Variants in ZNF385D observed in about 807,000 individuals in gnomAD.
ZNF385D encodes the protein zinc finger protein 385D.
Under a neutral mutation model 35.8 loss-of-function variants are expected in ZNF385D, and 15 were observed. The observed-to-expected ratio is 0.42, with a 90% CI of 0.28 to 0.64. The LOEUF is 0.64. Among genes scored for constraint, ZNF385D ranks in the 30% least tolerant of loss-of-function variants. The pLI is 0.23. For synonymous variants in ZNF385D, 212 were observed against 186.8 expected, an observed-to-expected ratio of 1.13 and a Z score of -1.10; for missense variants, 474 against 494.6, an observed-to-expected ratio of 0.96 and a Z score of 0.39.
At chr3:22,290,910 T>C (rs1414963838) in intron 2 of ZNF385D, among the ~76,000 whole-genome samples, 1 of 152,140 alleles carries the variant, frequency 6.6e-6, no homozygotes, top group Non-Finnish European at 1.5e-5. Context: ...TTATTTCCAC[T>C]AATCAATATG....
At chr3:22,079,354 A>G (rs189140169) in intron 3 of ZNF385D, among the ~76,000 whole-genome samples, 236 of 152,152 alleles carry the variant, frequency 1.6e-3, no homozygotes, top group Non-Finnish European at 3.0e-3. Context: ...CAATAAATAA[A>G]TTACATGATT....
rs2061876314 is a variant in ZNF385D at position 21,529,668 on chromosome 3, C to T, written c.277-18645G>A. On this transcript the variant is annotated intron_variant, in intron 3 of 7. Coordinates refer to ENST00000281523, the MANE Select transcript of ZNF385D (RefSeq NM_024697.3). Reference sequence around the variant, plus strand: ...TAAAGGTAAAGATAGCATAACTCTTCATTAAAATCTTAACACAACCTAGAA... The same window carrying T: ...TAAAGGTAAAGATAGCATAACTCTTTATTAAAATCTTAACACAACCTAGAA... 4.6e-5 allele frequency among the ~76,000 whole-genome samples: 7 copies of T among 152,222 alleles called. No individual in the cohort carries two copies. The South Asian group carries it at 1.4e-3, about 32-fold the overall frequency.
chr3:21,977,880 C>T (rs1345933969), intron 3 of ZNF385D, among the ~76,000 whole-genome samples: 3 of 151,996 alleles, frequency 2.0e-5, no homozygotes, highest in African/African-American at 4.8e-5. Flanking sequence ...TTCAATAGCT[C>T]TGTACATCTT....
intron 3 of ZNF385D, among the ~76,000 whole-genome samples, chr3:22,030,474 A>G (rs259443): frequency 0.43 from 64,383 of 149,070 alleles, 14,701 homozygotes; most frequent in East Asian, 0.74. Context: ...AGGGAGAGAG[A>G]GAGACACAGA....
Position 22,215,763 on chromosome 3 carries a change from C to G in ZNF385D, c.107-46728G>C, listed in dbSNP as rs76455497. 4.0e-3 allele frequency among the ~76,000 whole-genome samples: 611 copies of G among 152,072 alleles called. 7 individuals are homozygous for G. Among genetic ancestry groups the G allele is most frequent in the African/African-American group, 0.014 (562 of 41,506 alleles). ...GACCCACACCCTATTTGTACACACCCTCCCCTTTTGAAAATGACTAATAAA... is the reference window on the plus strand; with the variant it reads ...GACCCACACCCTATTTGTACACACCGTCCCCTTTTGAAAATGACTAATAAA... On this transcript the variant is annotated intron_variant, in intron 2 of 5. Transcript: ENST00000494108.
chr3:21,871,832 C>A (rs1355074662), intron 3 of ZNF385D, among the ~76,000 whole-genome samples: 3 of 151,840 alleles, frequency 2.0e-5, no homozygotes, highest in African/African-American at 7.3e-5. Context: ...ATGATGAAAC[C>A]CCGTCTCTAC....
intron 3 of ZNF385D, among the ~76,000 whole-genome samples, chr3:21,557,122 T>G (rs1369452436): frequency 6.6e-6 from 1 of 152,122 alleles, no homozygotes; most frequent in Non-Finnish European, 1.5e-5. Flanking sequence ...AACAGACAAG[T>G]TGACTTCCCC....
intron 2 of ZNF385D, among the ~76,000 whole-genome samples, chr3:22,190,122 C>T (rs533310156): frequency 2.0e-5 from 3 of 152,130 alleles, no homozygotes; most frequent in Non-Finnish European, 2.9e-5. Flanking sequence ...GTTGCCATCA[C>T]AGTTTGAGAT....
At chr3:22,304,534 G>A (rs550687478) in intron 2 of ZNF385D, among the ~76,000 whole-genome samples, 1 of 152,216 alleles carries the variant, frequency 6.6e-6, no homozygotes, top group South Asian at 2.1e-4. Flanking sequence ...GCCCTTGTTG[G>A]AAATAATTAT....
intron 1 of ZNF385D, among the ~76,000 whole-genome samples, chr3:21,738,493 T>C (rs1328781029): frequency 1.3e-5 from 2 of 152,222 alleles, no homozygotes; most frequent in Non-Finnish European, 2.9e-5. Context: ...ATCTTAGCTA[T>C]TATTAGTAAG....
chr3:22,139,568 G>C (rs1559400519), intron 3 of ZNF385D, among the ~76,000 whole-genome samples: 1 of 143,588 alleles, frequency 7.0e-6, no homozygotes, highest in Non-Finnish European at 1.5e-5. Context: ...TGAACAATGA[G>C]AACACATGGA....
At chr3:22,154,659 C>T (rs568866770) in intron 3 of ZNF385D, among the ~76,000 whole-genome samples, 6 of 152,276 alleles carry the variant, frequency 3.9e-5, no homozygotes, top group Admixed American at 3.3e-4. Flanking sequence ...CCTTGCCTCT[C>T]TGGGGCTTCA....
At chr3:22,321,473 C>T (rs1195705552) in intron 2 of ZNF385D, among the ~76,000 whole-genome samples, 1 of 152,004 alleles carries the variant, frequency 6.6e-6, no homozygotes, top group East Asian at 1.9e-4. Flanking sequence ...TCAAGCGATT[C>T]TCCTGTCTCA....
In ZNF385D at chr3:22,115,666, T is replaced by C. The variant is rs192657780; in HGVS notation, c.325+53151A>G. Among the ~76,000 whole-genome samples the C allele has an allele frequency of 2.8e-3, 431 of 152,184 alleles. 3 individuals are homozygous for C. Among genetic ancestry groups the C allele is most frequent in the Non-Finnish European group, 5.4e-3 (365 of 67,988 alleles). Reference sequence around the variant, plus strand: ...CTCATAAGATTCCAGTAAACCATATTGAGAAGTTTAGTAGCTTGGTTAGCT... The same window carrying C: ...CTCATAAGATTCCAGTAAACCATATCGAGAAGTTTAGTAGCTTGGTTAGCT... On this transcript the variant is annotated intron_variant, in intron 3 of 5. Coordinates refer to the ZNF385D transcript ENST00000494108.
rs368600738 is a variant in ZNF385D, at chr3:22,242,637, C to G, written c.107-73602G>C. Among the ~76,000 whole-genome samples, 4 of 151,162 alleles carry G rather than the reference C, an allele frequency of 2.6e-5. No individual in the cohort carries two copies. In the East Asian group the frequency reaches 7.8e-4, roughly 29 times the overall value. ...AAAGATTGTTGTAGACTGAGAGAGA[C>G]TAATGTGACATCGCAACTAAACACA... On this transcript the variant is annotated intron_variant, in intron 2 of 5. Coordinates refer to the ZNF385D transcript ENST00000494108.
rs537114584 is a variant in ZNF385D at position 22,026,556 on chromosome 3, T to C, written c.325+142261A>G. ...ATTAATGGAGTTTTAGCTCAGGTCC[T>C]ACTTACAGCAGATCCAGTGGGTCCT... On this transcript the variant is annotated intron_variant, in intron 3 of 5. Transcript: ENST00000494108. Among the ~76,000 whole-genome samples, 37 of 152,314 alleles carry C rather than the reference T, an allele frequency of 2.4e-4. No individual in the cohort carries two copies. The South Asian group carries it at 6.0e-3, about 25-fold the overall frequency.
At chr3:22,187,513 T>C (rs906291876) in intron 2 of ZNF385D, among the ~76,000 whole-genome samples, 2 of 152,032 alleles carry the variant, frequency 1.3e-5, no homozygotes, top group Non-Finnish European at 1.5e-5. Context: ...CAAAGACATA[T>C]ATGTACTTTT....
chr3:21,694,083 G>A (rs1353115303), intron 1 of ZNF385D, among the ~76,000 whole-genome samples: 3 of 76,152 alleles, frequency 3.9e-5, no homozygotes, highest in East Asian at 3.5e-4. Flanking sequence ...TCGCTCTGTC[G>A]CCCAGGCCGG....
intron 2 of ZNF385D, among the ~76,000 whole-genome samples, chr3:22,363,178 C>CTGGACCTTGCCCAA (rs1291182585): frequency 1.1e-4 from 17 of 151,998 alleles, no homozygotes; most frequent in Admixed American, 7.9e-4. Flanking sequence ...ACCTTGCCCA[C>CTGGACCTTGCCCAA]TACTGCCACC....
Sources: gnomAD v4.1 joint callset for allele counts (sites outside exome capture counted in the v4.1 genomes callset) on GRCh38, gnomAD v4.1.1 for gene constraint, MANE v1.5 for transcripts, NCBI Gene and HGNC (gene_info 2026-07-23, HGNC 2026-07-21) for gene names.